AP4S1: variants seen among roughly 807,000 people sequenced by gnomAD.
AP4S1 encodes the protein adaptor related protein complex 4 subunit sigma 1.
Under a neutral mutation model 19.8 loss-of-function variants are expected in AP4S1, and 23 were observed. The ratio of observed to expected loss-of-function variants is 1.16; its 90% CI spans 0.84 to 1.65. The LOEUF (loss-of-function observed/expected upper bound fraction) is 1.65, where lower values mean the gene tolerates loss of function less well. Among genes scored for constraint, AP4S1 ranks in the 40% most tolerant of loss-of-function variants. AP4S1 has a pLI of 0.00. For missense variants in AP4S1, 166 were observed against 172.8 expected, an observed-to-expected ratio of 0.96 and a Z score of 0.22; for synonymous variants, 46 against 54.1, an observed-to-expected ratio of 0.85 and a Z score of 0.66.
chr14:31,048,742 C>CA (rs1434533710), intron 1 of AP4S1, among the ~76,000 whole-genome samples: 1 of 151,622 alleles, frequency 6.6e-6, no homozygotes, highest in Non-Finnish European at 1.5e-5. Context: ...GTCTCCAAAA[C>CA]AAAAAAACAA....
intron 5 of AP4S1, among the ~76,000 whole-genome samples, chr14:31,082,025 A>G (rs1209223446): frequency 6.6e-6 from 1 of 152,170 alleles, no homozygotes; most frequent in East Asian, 1.9e-4. Flanking sequence ...ATACACTTAT[A>G]TAAATGCCCA....
At chr14:31,057,412 A>G (rs1048095777) in intron 1 of AP4S1, among the ~76,000 whole-genome samples, 13 of 152,168 alleles carry the variant, frequency 8.5e-5, no homozygotes, top group Admixed American at 7.2e-4. Context: ...CCCATTTGCC[A>G]TCTTTGGATA....
At chr14:31,053,589 C>CTTTTTTTTTTT (rs758966011) in intron 1 of AP4S1, among the ~76,000 whole-genome samples, 18 of 71,112 alleles carry the variant, frequency 2.5e-4, no homozygotes, top group African/African-American at 4.6e-4. Flanking sequence ...TGACTTTTTT[C>CTTTTTTTTTTT]TTTTTTTTTT....
chr14:31,074,751 G>A (rs1326007150), intron 4 of AP4S1, among the ~76,000 whole-genome samples: 2 of 152,110 alleles, frequency 1.3e-5, no homozygotes, highest in East Asian at 3.8e-4. Flanking sequence ...ATACTCAGGA[G>A]GATGAGGTGG....
At chr14:31,058,515 C>T (rs1453756728) in intron 1 of AP4S1, among the ~76,000 whole-genome samples, 1 of 132,534 alleles carries the variant, frequency 7.5e-6, no homozygotes, top group East Asian at 2.1e-4. Flanking sequence ...TCTTCCCCAT[C>T]TCTGTGTGTG....
chr14:31,026,401 T>C (rs1019519147), intron 1 of AP4S1: 13 of 160,990 alleles, frequency 8.1e-5, no homozygotes, highest in Non-Finnish European at 1.2e-4. Context: ...TCACTCACTT[T>C]AGGGGAAGGG....
At chr14:31,083,778 G>A in intron 5 of AP4S1, 1 of 332,262 alleles carries the variant, frequency 3.0e-6, no homozygotes, top group Non-Finnish European at 5.9e-6. Flanking sequence ...CCAAAGTGTT[G>A]ACATTCTTAA....
Position 31,066,247 on chromosome 14 carries a change from T to C in AP4S1, c.51T>C (p.Ser17=). 1 of 1,614,034 alleles carries C rather than the reference T, an allele frequency of 6.2e-7. No homozygotes were observed. Among genetic ancestry groups the C allele is most frequent in the Non-Finnish European group, 8.5e-7 (1 of 1,179,944 alleles). Residue 17 remains serine, a synonymous_variant, in exon 2 of 6, where the codon TCT becomes TCC. Coordinates refer to ENST00000542754, the MANE Select transcript of AP4S1 (RefSeq NM_001128126.3). ...MVNKQGQTRL[S]KYYEHVDINK... ...ATAAACAAGGGCAGACTCGACTTTC[T>C]AAGTACTATGAACATGTGGATATTA...
intron 4 of AP4S1, among the ~76,000 whole-genome samples, chr14:31,073,937 C>T (rs1887201953): frequency 6.6e-6 from 1 of 152,102 alleles, no homozygotes; most frequent in Non-Finnish European, 1.5e-5. Flanking sequence ...AGTCAATTCT[C>T]CTTAGGGAAT....
chr14:31,044,995 G>T (rs1218031271), intron 1 of AP4S1, among the ~76,000 whole-genome samples: 1 of 151,450 alleles, frequency 6.6e-6, no homozygotes, highest in Non-Finnish European at 1.5e-5. Context: ...TCCACCTCCC[G>T]GGTTCAAGCA....
chr14:31,057,740 C>T (rs111751756), intron 1 of AP4S1, among the ~76,000 whole-genome samples: 11,488 of 152,000 alleles, frequency 0.076, 498 homozygotes, highest in South Asian at 0.094. Flanking sequence ...ATTCTCCTGC[C>T]TTAGCCTCTC....
At position 31,094,501 on chromosome 14, in the gene AP4S1, CAGA is replaced by C. The variant is rs754385701; in HGVS notation, c.*1470_*1472del. 8.5e-5 allele frequency: 13 copies of C among 152,356 alleles called. No homozygotes were observed. Among genetic ancestry groups the C allele is most frequent in the Non-Finnish European group, 1.3e-4 (9 of 68,316 alleles). The allele number at this position is 152,356 out of a possible 1,614,324, so 9.4% of individuals were successfully genotyped here. A position where few individuals can be genotyped will look rare whatever the true frequency, so the allele number is the denominator to read the frequency against. The stretch of plus-strand genomic sequence containing the variant: ...GTCTCAACTACTCGGGAGTCTGAGG[CAGA>C]AGATTTCTTGAGCCCAGGAGTTCGA... On this transcript the variant is annotated 3_prime_UTR_variant, in exon 6 of 6. Transcript: ENST00000542754.
At chr14:31,042,946 G>T (rs954362233) in intron 1 of AP4S1, among the ~76,000 whole-genome samples, 1 of 152,144 alleles carries the variant, frequency 6.6e-6, no homozygotes, top group Non-Finnish European at 1.5e-5. Flanking sequence ...GGGCACAGTG[G>T]CTCATGCCTG....
chr14:31,026,337 C>A, intron 1 of AP4S1: 1 of 747,234 alleles, frequency 1.3e-6, no homozygotes, highest in Non-Finnish European at 1.9e-6. Flanking sequence ...TGGGTCAGAG[C>A]AGGGAGCTGC....
intron 3 of AP4S1, among the ~76,000 whole-genome samples, chr14:31,070,355 C>T (rs2139057886): frequency 6.6e-6 from 1 of 152,340 alleles, no homozygotes; most frequent in South Asian, 2.1e-4. Flanking sequence ...GTCTTCCCAT[C>T]TCAGCCACCT....
At chr14:31,038,994 T>A (rs1394302904) in intron 1 of AP4S1, among the ~76,000 whole-genome samples, 7 of 13,590 alleles carry the variant, frequency 5.2e-4, no homozygotes, top group African/African-American at 9.4e-4. Context: ...ATGTAGAGGT[T>A]TTTTTTTTTT....
At chr14:31,071,461 A>G (rs1886997136) in intron 3 of AP4S1, among the ~76,000 whole-genome samples, 1 of 152,146 alleles carries the variant, frequency 6.6e-6, no homozygotes, top group Non-Finnish European at 1.5e-5. Flanking sequence ...TCACCCTGTC[A>G]CCAGGCTGGA....
chr14:31,035,788 G>A (rs531044862), intron 1 of AP4S1, among the ~76,000 whole-genome samples: 1 of 151,362 alleles, frequency 6.6e-6, no homozygotes, highest in Non-Finnish European at 1.5e-5. Flanking sequence ...GGAGTGCAGT[G>A]GTGCGATCTC....
chr14:31,082,511 A>G (rs1434187653), intron 5 of AP4S1, among the ~76,000 whole-genome samples: 1 of 152,190 alleles, frequency 6.6e-6, no homozygotes, highest in Non-Finnish European at 1.5e-5. Flanking sequence ...GGAGTAGAGA[A>G]CTCAATTTCC....
Sources: gnomAD v4.1 joint callset for allele counts (sites outside exome capture counted in the v4.1 genomes callset) on GRCh38, gnomAD v4.1.1 for gene constraint, MANE v1.5 for transcripts, NCBI Gene and HGNC (gene_info 2026-07-23, HGNC 2026-07-21) for gene names.